DNMBP: variants seen among roughly 807,000 people sequenced by gnomAD.
DNMBP encodes dynamin-binding protein.
In DNMBP, 87 loss-of-function variants were observed where a neutral mutation model predicts 150.0. That is an observed-to-expected ratio of 0.58 (90% confidence interval 0.49 to 0.69). The LOEUF is 0.69. Ranked by LOEUF, DNMBP falls within the 30% of genes least tolerant of loss-of-function variation. The probability of loss-of-function intolerance (pLI) is 0.00; values close to 1 mark genes in which losing one functional copy is unlikely to be tolerated. For missense variants in DNMBP, 1,774 were observed against 1,949.0 expected (o/e 0.91, Z 1.69); for synonymous variants, 711 against 750.4 (o/e 0.95, Z 0.86).
intron 1 of DNMBP, among the ~76,000 whole-genome samples, chr10:99,996,593 TACTTA>T (rs2040953722): frequency 6.6e-6 from 1 of 152,226 alleles, no homozygotes; most frequent in Non-Finnish European, 1.5e-5. Context: ...GCAAAATCCT[TACTTA>T]AAATAACCAG....
intron 9 of DNMBP, 93 bp downstream of exon 9, chr10:99,897,993 C>T: frequency 9.3e-7 from 1 of 1,077,544 alleles, no homozygotes; most frequent in Non-Finnish European, 1.4e-6. Flanking sequence ...CTACCACCTG[C>T]CTTGTCCAAC....
At chr10:99,887,057 C>T (rs1333904291) in intron 12 of DNMBP, among the ~76,000 whole-genome samples, 2 of 151,980 alleles carry the variant, frequency 1.3e-5, no homozygotes, top group Admixed American at 1.3e-4. Context: ...AACTTTCATA[C>T]ACTCATAAAC....
chr10:99,883,638 C>CAAAAAAAAAAAAAAAA (rs71009782), intron 15 of DNMBP, among the ~76,000 whole-genome samples: 31 of 65,616 alleles, frequency 4.7e-4, no homozygotes, highest in African/African-American at 1.5e-3. Context: ...AAGACTGCCA[C>CAAAAAAAAAAAAAAAA]AAAAAAAAAA....
intron 4 of DNMBP, among the ~76,000 whole-genome samples, chr10:99,920,464 C>T (rs1589418811): frequency 6.6e-6 from 1 of 152,140 alleles, no homozygotes; most frequent in Non-Finnish European, 1.5e-5. Context: ...TCTTCCCAGA[C>T]TTCGACTTTT....
intron 11 of DNMBP, among the ~76,000 whole-genome samples, chr10:99,891,597 C>G (rs987012640): frequency 1.3e-5 from 2 of 151,640 alleles, no homozygotes; most frequent in Non-Finnish European, 2.9e-5. Flanking sequence ...GCCGCCACCC[C>G]GTCTGGGAAG....
intron 4 of DNMBP, among the ~76,000 whole-genome samples, chr10:99,918,203 C>T (rs2039987821): frequency 6.6e-6 from 1 of 151,832 alleles, no homozygotes; most frequent in Non-Finnish European, 1.5e-5. Context: ...GCCAGCCCAC[C>T]CAACCCCCAC....
At chr10:99,919,361 A>T (rs2039997855) in intron 4 of DNMBP, among the ~76,000 whole-genome samples, 2 of 152,350 alleles carry the variant, frequency 1.3e-5, no homozygotes, top group African/African-American at 4.8e-5. Flanking sequence ...CTCTATAAAA[A>T]TCACTTTCTT....
chr10:99,885,530 G>A (rs749543732), intron 14 of DNMBP, among the ~76,000 whole-genome samples, 157 bp downstream of exon 14: 10 of 152,056 alleles, frequency 6.6e-5, no homozygotes, highest in Non-Finnish European at 8.8e-5. Flanking sequence ...AAAAAATGGC[G>A]AATGCATGAG....
intron 4 of DNMBP, among the ~76,000 whole-genome samples, chr10:99,917,003 T>C (rs2039971494): frequency 6.6e-6 from 1 of 151,280 alleles, no homozygotes; most frequent in Non-Finnish European, 1.5e-5. Flanking sequence ...TCTGTCTCAA[T>C]AAAAAACCAA....
At chr10:99,979,439 G>C (rs2040761673) in intron 1 of DNMBP, among the ~76,000 whole-genome samples, 1 of 152,056 alleles carries the variant, frequency 6.6e-6, no homozygotes, top group African/African-American at 2.4e-5. Context: ...ACTTTCTATG[G>C]ACTAAAGCCT....
Position 99,876,304 on chromosome 10 carries a change from C to T in DNMBP, c.*847G>A, listed in dbSNP as rs573898634. 1 of 152,004 alleles carries T rather than the reference C, an allele frequency of 6.6e-6. No individual in the cohort carries two copies. Among genetic ancestry groups the T allele is most frequent in the Admixed American group, 6.6e-5 (1 of 15,250 alleles). 9.4% of individuals were successfully genotyped at this position (152,004 alleles called of 1,614,324 possible). The stretch of plus-strand genomic sequence containing the variant: ...TGTCATTGAGGTTGCGGTATGGTGG[C>T]TTACACCTGTAATCTCAGCAGGGAG... On this transcript the variant is annotated 3_prime_UTR_variant, in exon 17 of 17. Transcript: ENST00000324109.
chr10:99,944,700 G>A (rs1242325335), intron 4 of DNMBP, among the ~76,000 whole-genome samples: 3 of 140,016 alleles, frequency 2.1e-5, no homozygotes, highest in African/African-American at 5.5e-5. Context: ...CCACACGGAA[G>A]CCCACAAAAT....
In DNMBP at chr10:99,972,032, C is replaced by T. The variant is rs779752296; in HGVS notation, c.93G>A (p.Val31=). ...GCCAAAATTCATCCACCACTGCCAG[C>T]ACCTCAATAATATCTCCCACAAAGA... The part of the protein sequence containing the change: ...LPLFVGDIIE[V]LAVVDEFWLL... Residue 31 remains valine, a synonymous_variant, in exon 2 of 17, where the codon GTG becomes GTA. Coordinates refer to ENST00000324109, the MANE Select transcript of DNMBP (RefSeq NM_015221.4). 7.4e-6 allele frequency: 12 copies of T among 1,613,990 alleles called. 1 individual carries two copies. In the South Asian group the frequency reaches 1.2e-4, roughly 16 times the overall value.
At chr10:99,952,490 T>G (rs1010013521) in intron 4 of DNMBP, among the ~76,000 whole-genome samples, 1 of 152,154 alleles carries the variant, frequency 6.6e-6, no homozygotes, top group Admixed American at 6.5e-5. Context: ...TTTGAGGACT[T>G]GTCTAAGCAT....
In DNMBP at chr10:99,961,217, A is replaced by C. The variant is rs543931231; in HGVS notation, c.269-4012T>G. Among the ~76,000 whole-genome samples, 256 of 129,268 alleles carry C rather than the reference A, an allele frequency of 2.0e-3. No homozygotes were observed. In the Middle Eastern group the frequency reaches 0.044, roughly 22 times the overall value. The allele number at this position is 129,268 out of a possible 152,430, so 84.8% of individuals were successfully genotyped here. On this transcript the variant is annotated intron_variant, in intron 3 of 16. Coordinates refer to ENST00000324109, the MANE Select transcript of DNMBP (RefSeq NM_015221.4). ...CTTTCCAAACTGACTTCTGCTGCTC[A>C]TTTCCTTTTTTCTTCTAATTCCTTC...
At chr10:99,885,979 C>T in intron 13 of DNMBP, 113 bp from the exon 14 acceptor site, 2 of 1,060,484 alleles carry the variant, frequency 1.9e-6, no homozygotes, top group South Asian at 3.5e-5. Context: ...TCCTTAGAAC[C>T]ACTGGAAGCT....
chr10:99,885,623 C>A, intron 14 of DNMBP, 64 bp downstream of exon 14: 1 of 1,412,782 alleles, frequency 7.1e-7, no homozygotes, highest in Non-Finnish European at 9.5e-7. Flanking sequence ...GGCCTGGGGG[C>A]CTGGCTGCAG....
rs189412837 is a variant in DNMBP at position 99,879,914 on chromosome 10, C to T, written c.4445G>A (p.Arg1482Gln). 28 of 1,614,214 alleles carry T rather than the reference C, an allele frequency of 1.7e-5. No individual in the cohort carries two copies. Among genetic ancestry groups the T allele is most frequent in the African/African-American group, 8.0e-5 (6 of 75,054 alleles). The change falls in exon 16 of 17, where the codon CGA (arginine) becomes CAA (glutamine). Residue 1482 changes from arginine to glutamine, a missense_variant. Arg to Gln is a conservative substitution (Grantham distance 43). Around this residue, in one of 2 missense-constraint regions of DNMBP, gnomAD observed 1,430 missense variants for 1,492.5 expected, o/e 0.96. Transcript: ENST00000324109. ...PEIVGYSVPG[R>Q]NGQSQDLVKG... ...GACGAGGTCTTGACTTTGCCCATTT[C>T]GTCCTGGTACGGAGTAGCCAACTAT... is the stretch of plus-strand genomic sequence containing the variant.
chr10:99,898,485 C>CTAAT lies in DNMBP; in HGVS notation c.2721-204_2721-201dup, dbSNP rs1589404865. The stretch of plus-strand genomic sequence containing the variant: ...TTTCAGTCATTCAACATGTATTCAT[C>CTAAT]TAATAAACACCAGGTACTGTTCTAG... On this transcript the variant is annotated intron_variant, in intron 8 of 16. Transcript: ENST00000324109. 10 of 677,664 alleles carry CTAAT rather than the reference C, an allele frequency of 1.5e-5. No homozygotes were observed. The East Asian group carries it at 2.7e-4, about 18-fold the overall frequency. 42.0% of individuals were successfully genotyped at this position (677,664 alleles called of 1,614,324 possible).
Sources: allele counts gnomAD v4.1 joint callset (sites outside exome capture counted in the v4.1 genomes callset), GRCh38; gene constraint gnomAD v4.1.1; regional missense constraint gnomAD v4.1.1; transcripts MANE v1.5; gene names NCBI Gene and HGNC (gene_info 2026-07-23, HGNC 2026-07-21).